The following MGST2 variants were observed in gnomAD, a reference collection of about 807,000 sequenced individuals.
MGST2 encodes glutathione peroxidase MGST2.
Under a neutral mutation model 16.6 loss-of-function variants are expected in MGST2, and 9 were observed. That is an observed-to-expected ratio of 0.54 (90% CI 0.33 to 0.95). The LOEUF (loss-of-function observed/expected upper bound fraction) is 0.95. Ranked by LOEUF, MGST2 falls within the 40% of genes least tolerant of loss-of-function variation. The pLI, the probability that MGST2 is intolerant of heterozygous loss-of-function variation, is 0.03. For missense variants in MGST2, 159 were observed against 175.1 expected (o/e 0.91, Z 0.52); for synonymous variants, 79 against 68.0 (o/e 1.16, Z -0.79).
At chr4:139,746,270 TA>T in the MGST2 span, among the ~76,000 whole-genome samples, 70 of 152,314 alleles carry the variant, frequency 4.6e-4, no homozygotes, top group East Asian at 2.5e-3. Flanking sequence ...CTAGAGATGG[TA>T]ATAAGAATAA....
intron 5 of MGST2, chr4:139,719,592 C>T: frequency 1.2e-6 from 2 of 1,613,318 alleles, no homozygotes; most frequent in Non-Finnish European, 1.7e-6. Context: ...TGGCTCAGGC[C>T]AGACATGACC....
At chr4:139,730,233 A>G (rs1172307536) in intron 5 of MGST2, 1 of 621,342 alleles carries the variant, frequency 1.6e-6, no homozygotes. Flanking sequence ...TTAATTCATT[A>G]TAGGAAAAAC....
At chr4:139,743,258 G>A (rs964381913), downstream of MGST2, among the ~76,000 whole-genome samples, 3 of 152,236 alleles carry the variant, frequency 2.0e-5, no homozygotes, top group African/African-American at 7.2e-5. Context: ...CAGCAGAACA[G>A]GAGGGGCAGG....
At chr4:139,705,621 C>T (rs1018743868), downstream of MGST2, 2 of 149,798 alleles carry the variant, frequency 1.3e-5, no homozygotes, top group Admixed American at 1.4e-4. Context: ...GTTTCTTGAA[C>T]TCTTTGGGGC....
Position 139,704,036 on chromosome 4 carries a change from G to T in MGST2, c.332G>T (p.Ser111Ile). The stretch of plus-strand genomic sequence containing the variant: ...TGCAGGATCACCGGTTTCCGACTGA[G>T]TCTGGGGATTTTGGCCTTGTTGACC... ...AKKRITGFRL[S>I]LGILALLTLL... Residue 111 changes from serine (S) to isoleucine (I), a missense_variant, in exon 5 of 5, where the codon AGT (serine) becomes ATT (isoleucine). By Grantham distance (142) the Ser-to-Ile change is moderately radical. Coordinates refer to ENST00000265498, the MANE Select transcript of MGST2 (RefSeq NM_002413.5). 6.2e-7 allele frequency: 1 copy of T among 1,614,128 alleles called. No homozygotes were observed. The highest frequency in any genetic ancestry group is 8.5e-7 in the Non-Finnish European group (1 of 1,180,024).
chr4:139,741,487 C>T (rs1466201339), downstream of MGST2, among the ~76,000 whole-genome samples: 2 of 152,222 alleles, frequency 1.3e-5, no homozygotes, highest in Admixed American at 1.3e-4. Context: ...CGTGGTGGCT[C>T]ATGCCTGTAA....
intron 1 of MGST2, among the ~76,000 whole-genome samples, 193 bp from the exon 2 acceptor site, chr4:139,678,350 C>T (rs1298240323): frequency 6.6e-6 from 1 of 152,238 alleles, no homozygotes; most frequent in Admixed American, 6.5e-5. Flanking sequence ...GTTTTACATT[C>T]CCACCAGCAT....
chr4:139,704,033 T>A lies in MGST2; in HGVS notation c.329T>A (p.Leu110Gln). The A allele has an allele frequency of 6.2e-7, 1 of 1,614,186 alleles. No homozygotes were observed. Among genetic ancestry groups the A allele is most frequent in the Non-Finnish European group, 8.5e-7 (1 of 1,180,030 alleles). The change falls in exon 5 of 5, where the codon CTG becomes CAG. Residue 110 changes from leucine (L) to glutamine (Q), a missense_variant. Leu to Gln is a moderately radical substitution (Grantham distance 113). Transcript: ENST00000265498. ...AAKKRITGFR[L>Q]SLGILALLTL... Reference sequence around the variant, plus strand: ...CTCTGCAGGATCACCGGTTTCCGACTGAGTCTGGGGATTTTGGCCTTGTTG... The same window carrying A: ...CTCTGCAGGATCACCGGTTTCCGACAGAGTCTGGGGATTTTGGCCTTGTTG...
rs936163576 is a variant in MGST2 at position 139,671,507 on chromosome 4, C to T, written c.58+5430C>T. 3.4e-5 allele frequency among the ~76,000 whole-genome samples: 5 copies of T among 147,010 alleles called. No homozygotes were observed. In the East Asian group the frequency reaches 1.1e-3, roughly 33 times the overall value. On this transcript the variant is annotated intron_variant, in intron 1 of 4. Coordinates refer to ENST00000265498, the MANE Select transcript of MGST2 (RefSeq NM_002413.5). ...ATTTTCAGACCTACTGCTCTGTCGC[C>T]CGGGCTGGAGTGCAGTGGTGTGATC...
At chr4:139,738,904 C>T (rs761985839) in intron 5 of MGST2, among the ~76,000 whole-genome samples, 4 of 152,184 alleles carry the variant, frequency 2.6e-5, no homozygotes, top group Non-Finnish European at 5.9e-5. Context: ...ATTACACACA[C>T]CTACTGATTC....
chr4:139,737,123 A>C (rs1390116445), intron 5 of MGST2, among the ~76,000 whole-genome samples: 1 of 152,070 alleles, frequency 6.6e-6, no homozygotes. Flanking sequence ...TGCTAAGGGG[A>C]GCATCAGACA....
chr4:139,667,241 C>T (rs563256478), intron 1 of MGST2, among the ~76,000 whole-genome samples: 5 of 152,196 alleles, frequency 3.3e-5, no homozygotes, highest in South Asian at 2.1e-4. Context: ...TCACGATGTA[C>T]GGAGAAACCT....
intron 5 of MGST2, chr4:139,725,823 A>C (rs1296684090): frequency 6.2e-7 from 1 of 1,613,882 alleles, no homozygotes. Flanking sequence ...GGTAGATGTG[A>C]TTGCTGCAAC....
At chr4:139,745,274 G>A (rs904252661), downstream of MGST2, among the ~76,000 whole-genome samples, 7 of 140,876 alleles carry the variant, frequency 5.0e-5, no homozygotes, top group Non-Finnish European at 9.3e-5. Flanking sequence ...AGATCCAGCC[G>A]ACTCGACCAC....
At chr4:139,682,255 A>C (rs959235830) in intron 2 of MGST2, among the ~76,000 whole-genome samples, 1 of 150,276 alleles carries the variant, frequency 6.7e-6, no homozygotes, top group Admixed American at 6.6e-5. Context: ...AAAAAAAAAA[A>C]ACAAAAACAG....
chr4:139,679,836 A>G (rs1731145518), intron 2 of MGST2, among the ~76,000 whole-genome samples: 1 of 152,158 alleles, frequency 6.6e-6, no homozygotes, highest in Admixed American at 6.5e-5. Context: ...TTGAATCCTT[A>G]TGGTTAAGTC....
At chr4:139,691,685 G>GATT (rs147789862) in intron 2 of MGST2, among the ~76,000 whole-genome samples, 104 of 138,360 alleles carry the variant, frequency 7.5e-4, no homozygotes, top group African/African-American at 2.6e-3. Flanking sequence ...TGATGATGAT[G>GATT]ATGATGATGA....
At chr4:139,730,425 C>A in intron 5 of MGST2, 1 of 1,469,318 alleles carries the variant, frequency 6.8e-7, no homozygotes, top group Non-Finnish European at 9.0e-7. Context: ...CCTGTTCCGC[C>A]AAAATCTGCT....
intron 5 of MGST2, among the ~76,000 whole-genome samples, chr4:139,728,753 G>C (rs1728580124): frequency 6.6e-6 from 1 of 152,090 alleles, no homozygotes; most frequent in Admixed American, 6.5e-5. Context: ...TTGTCTGGGG[G>C]CATCATCTTG....
Sources: gnomAD v4.1 joint callset for allele counts (sites outside exome capture counted in the v4.1 genomes callset) on GRCh38, gnomAD v4.1.1 for gene constraint, MANE v1.5 for transcripts, NCBI Gene and HGNC (gene_info 2026-07-23, HGNC 2026-07-21) for gene names.